Variants in NEGR1 observed in about 807,000 individuals in gnomAD.
NEGR1 encodes the protein IgLON family member 4.
Under a neutral mutation model 40.9 loss-of-function variants are expected in NEGR1, and 10 were observed. The ratio of observed to expected loss-of-function variants is 0.24; its 90% confidence interval spans 0.15 to 0.42. The LOEUF (loss-of-function observed/expected upper bound fraction) is 0.42. NEGR1 is among the 10% of genes least tolerant of loss of function. The pLI, the probability that NEGR1 is intolerant of heterozygous loss-of-function variation, is 1.00. For missense variants in NEGR1, 352 were observed against 438.9 expected, an observed-to-expected ratio of 0.80 and a Z score of 1.77; for synonymous variants, 185 against 166.8, an observed-to-expected ratio of 1.11 and a Z score of -0.84.
chr1:71,668,244 C>T (rs1473659604), intron 4 of NEGR1, among the ~76,000 whole-genome samples: 2 of 152,124 alleles, frequency 1.3e-5, no homozygotes, highest in Non-Finnish European at 1.5e-5. Context: ...TCTTCTTTCT[C>T]GTGGGAGAAG....
intron 6 of NEGR1, among the ~76,000 whole-genome samples, chr1:71,550,333 G>T (rs1477284293): frequency 6.6e-6 from 1 of 151,514 alleles, no homozygotes; most frequent in Non-Finnish European, 1.5e-5. Flanking sequence ...ACACTATGTT[G>T]TGTCCTTAAG....
At position 71,544,287 on chromosome 1, in the gene NEGR1, A is replaced by G. The variant is rs867207454; in HGVS notation, c.940+48530T>C. ...TGTCTAGGGGCAAGGGTGATAGGAG[A>G]AAAAACATATTTTTGATAGAGGCTG... On this transcript the variant is annotated intron_variant, in intron 6 of 6. Coordinates refer to ENST00000357731, the MANE Select transcript of NEGR1 (RefSeq NM_173808.3). 2.0e-5 allele frequency among the ~76,000 whole-genome samples: 3 copies of G among 151,662 alleles called. 1 individual carries two copies. The South Asian group carries it at 6.2e-4, about 31-fold the overall frequency.
At chr1:72,130,118 G>T (rs1012386850) in intron 1 of NEGR1, among the ~76,000 whole-genome samples, 7 of 152,122 alleles carry the variant, frequency 4.6e-5, no homozygotes, top group African/African-American at 2.4e-5. Context: ...ATGGTGGACA[G>T]ATAGCCCAAT....
chr1:71,409,836 T>A lies in NEGR1; in HGVS notation c.941-2266A>T, dbSNP rs144511696. On this transcript the variant is annotated intron_variant, in intron 6 of 6. Coordinates refer to ENST00000357731, the MANE Select transcript of NEGR1 (RefSeq NM_173808.3). ...AGTATTTCTGTCCTACAAAATGGAA[T>A]CTTTTCTGAAGGAAGCCACGTGATT... Among the ~76,000 whole-genome samples, 552 of 152,078 alleles carry A rather than the reference T, an allele frequency of 3.6e-3. 4 individuals are homozygous for A. Among genetic ancestry groups the A allele is most frequent in the African/African-American group, 0.013 (523 of 41,514 alleles).
chr1:71,599,143 T>A (rs1444302244), intron 5 of NEGR1, among the ~76,000 whole-genome samples: 1 of 152,212 alleles, frequency 6.6e-6, no homozygotes, highest in Non-Finnish European at 1.5e-5. Context: ...TAAAATGTTT[T>A]TAAAAATATT....
intron 1 of NEGR1, among the ~76,000 whole-genome samples, chr1:72,143,144 C>G (rs1650749560): frequency 6.6e-6 from 1 of 151,902 alleles, no homozygotes; most frequent in African/African-American, 2.4e-5. Context: ...ATGTTGGAAG[C>G]CGAGAGGCTC....
intron 1 of NEGR1, among the ~76,000 whole-genome samples, chr1:71,992,064 G>T (rs1646458051): frequency 6.6e-6 from 1 of 151,962 alleles, no homozygotes; most frequent in South Asian, 2.1e-4. Context: ...CAAAGTGCTG[G>T]GATTACAGGT....
At chr1:71,621,171 T>G (rs1650596221) in intron 4 of NEGR1, among the ~76,000 whole-genome samples, 1 of 151,912 alleles carries the variant, frequency 6.6e-6, no homozygotes, top group Non-Finnish European at 1.5e-5. Context: ...AGCATGTGAT[T>G]AATTTAATTA....
intron 6 of NEGR1, among the ~76,000 whole-genome samples, chr1:71,577,707 T>C (rs563348303): frequency 6.6e-6 from 1 of 152,314 alleles, no homozygotes; most frequent in African/African-American, 2.4e-5. Flanking sequence ...CTGTCTAAGC[T>C]TGTCTCTTTG....
intron 4 of NEGR1, among the ~76,000 whole-genome samples, chr1:71,625,056 TTG>T (rs1650725786): frequency 6.6e-6 from 1 of 152,000 alleles, no homozygotes; most frequent in South Asian, 2.1e-4. Flanking sequence ...ATCAAACTAT[TTG>T]TGTTACAGAA....
At chr1:71,447,306 A>T (rs1401875763) in intron 6 of NEGR1, among the ~76,000 whole-genome samples, 5 of 152,102 alleles carry the variant, frequency 3.3e-5, no homozygotes, top group Non-Finnish European at 7.4e-5. Flanking sequence ...AAAATTGGGG[A>T]CCCTTCATGT....
intron 6 of NEGR1, among the ~76,000 whole-genome samples, chr1:71,575,188 A>C (rs776356964): frequency 1.3e-5 from 2 of 152,200 alleles, no homozygotes; most frequent in Non-Finnish European, 2.9e-5. Flanking sequence ...CTACAATCTA[A>C]ATTGATTAAG....
chr1:71,933,400 A>C (rs949295735), intron 2 of NEGR1, among the ~76,000 whole-genome samples: 3 of 152,096 alleles, frequency 2.0e-5, no homozygotes, highest in African/African-American at 7.2e-5. Flanking sequence ...GAAATATATC[A>C]TTTAAACCTA....
intron 1 of NEGR1, among the ~76,000 whole-genome samples, chr1:72,227,767 T>G (rs1379161996): frequency 2.6e-5 from 4 of 152,210 alleles, no homozygotes; most frequent in South Asian, 2.1e-4. Context: ...AAAAAAAGCA[T>G]GATTGGCAAT....
At chr1:72,274,386 C>T (rs1468166428) in intron 1 of NEGR1, among the ~76,000 whole-genome samples, 1 of 151,998 alleles carries the variant, frequency 6.6e-6, no homozygotes, top group Non-Finnish European at 1.5e-5. Context: ...CATCCCAAAC[C>T]GTGGACTATT....
intron 4 of NEGR1, among the ~76,000 whole-genome samples, chr1:71,641,645 A>G (rs1294785452): frequency 6.6e-6 from 1 of 151,930 alleles, no homozygotes; most frequent in African/African-American, 2.4e-5. Flanking sequence ...CTCAGTTTTG[A>G]ACTTGGGGTA....
At chr1:71,999,173 A>G (rs61767472) in intron 1 of NEGR1, among the ~76,000 whole-genome samples, 8,743 of 151,998 alleles carry the variant, frequency 0.058, 378 homozygotes, top group Middle Eastern at 0.22. Context: ...TCACAAAATT[A>G]TAGGGCTGAA....
At position 71,538,998 on chromosome 1, in the gene NEGR1, A is replaced by G. The variant is rs551569077; in HGVS notation, c.940+53819T>C. On this transcript the variant is annotated intron_variant, in intron 6 of 6. Transcript: ENST00000357731. Reference sequence around the variant, plus strand: ...ACTAGGTTACTTTTGTTTCCATCACATGGTTGTTGTTTAAAGGATGGTTTA... The same window carrying G: ...ACTAGGTTACTTTTGTTTCCATCACGTGGTTGTTGTTTAAAGGATGGTTTA... Among the ~76,000 whole-genome samples, 5 of 151,846 alleles carry G rather than the reference A, an allele frequency of 3.3e-5. No individual in the cohort carries two copies. In the South Asian group the frequency reaches 1.0e-3, roughly 32 times the overall value.
At chr1:72,151,477 T>C (rs1651122262) in intron 1 of NEGR1, among the ~76,000 whole-genome samples, 1 of 151,632 alleles carries the variant, frequency 6.6e-6, no homozygotes, top group Non-Finnish European at 1.5e-5. Flanking sequence ...ATGCAAATTA[T>C]GTATAGCGAC....
Sources: allele counts gnomAD v4.1 joint callset (sites outside exome capture counted in the v4.1 genomes callset), GRCh38; gene constraint gnomAD v4.1.1; transcripts MANE v1.5; gene names NCBI Gene and HGNC (gene_info 2026-07-23, HGNC 2026-07-21).